ITGA9: variants seen among roughly 807,000 people sequenced by gnomAD.
ITGA9 encodes the protein integrin alpha-9.
A neutral mutation model predicts 127.8 loss-of-function variants in ITGA9; 56 were observed. The ratio of observed to expected loss-of-function variants is 0.44; its 90% CI spans 0.35 to 0.55. ITGA9 has a LOEUF of 0.55. Ranked by LOEUF, ITGA9 falls within the 20% of genes least tolerant of loss-of-function variation. The pLI, the probability that ITGA9 is intolerant of heterozygous loss-of-function variation, is 0.00. For synonymous variants in ITGA9, 508 were observed against 514.5 expected (o/e 0.99, Z 0.17); for missense variants, 1,196 against 1,347.1 (o/e 0.89, Z 1.76).
chr3:37,476,087 C>A (rs1433218946), intron 3 of ITGA9, among the ~76,000 whole-genome samples: 1 of 152,162 alleles, frequency 6.6e-6, no homozygotes, highest in Non-Finnish European at 1.5e-5. Context: ...TTTCTTTATT[C>A]ATCTATTGAC....
At chr3:37,522,890 C>T (rs1268239515) in intron 11 of ITGA9, among the ~76,000 whole-genome samples, 1 of 152,106 alleles carries the variant, frequency 6.6e-6, no homozygotes, top group East Asian at 1.9e-4. Context: ...TGATTTCCTA[C>T]AGTTTAAGAA....
chr3:37,645,353 G>T (rs183773974), intron 16 of ITGA9, among the ~76,000 whole-genome samples: 77 of 152,308 alleles, frequency 5.1e-4, no homozygotes, highest in Non-Finnish European at 1.0e-3. Flanking sequence ...CAGATCACTT[G>T]AGATCAGGAA....
chr3:37,636,540 T>G (rs1320088892), intron 16 of ITGA9, among the ~76,000 whole-genome samples: 2 of 152,214 alleles, frequency 1.3e-5, no homozygotes, highest in Non-Finnish European at 2.9e-5. Flanking sequence ...TAGCCCTTTG[T>G]CAGATGAGTA....
At chr3:37,674,180 A>C (rs1413386104) in intron 17 of ITGA9, among the ~76,000 whole-genome samples, 1 of 152,210 alleles carries the variant, frequency 6.6e-6, no homozygotes, top group East Asian at 1.9e-4. Flanking sequence ...TGTGTCATGA[A>C]GGAGAGGCCC....
intron 23 of ITGA9, among the ~76,000 whole-genome samples, chr3:37,765,126 C>T (rs1435313768): frequency 6.6e-6 from 1 of 152,058 alleles, no homozygotes; most frequent in Non-Finnish European, 1.5e-5. Flanking sequence ...ATGGCTGCTT[C>T]CACTCTGTTA....
At chr3:37,532,280 C>T (rs1377102481) in intron 13 of ITGA9, among the ~76,000 whole-genome samples, 3 of 152,214 alleles carry the variant, frequency 2.0e-5, no homozygotes, top group East Asian at 1.9e-4. Context: ...ATCTGTGCCT[C>T]GTGTCTCTTC....
chr3:37,679,221 A>G (rs7374331), intron 17 of ITGA9, among the ~76,000 whole-genome samples: 87,849 of 150,322 alleles, frequency 0.58, 26,416 homozygotes, highest in African/African-American at 0.73. Context: ...TAAAATAAAA[A>G]GGGAAATTTC....
intron 16 of ITGA9, among the ~76,000 whole-genome samples, chr3:37,641,601 A>G (rs116201403): frequency 0.01 from 1,588 of 152,148 alleles, 28 homozygotes; most frequent in African/African-American, 0.035. Flanking sequence ...CCAGGCCACC[A>G]TCATTTGTCA....
chr3:37,733,007 C>G, intron 19 of ITGA9: 1 of 580,798 alleles, frequency 1.7e-6, no homozygotes, highest in Admixed American at 2.6e-5. Context: ...TGGTCTTTCT[C>G]TTCGATTCAC....
At chr3:37,784,391 T>A (rs1697014086) in intron 25 of ITGA9, among the ~76,000 whole-genome samples, 1 of 152,328 alleles carries the variant, frequency 6.6e-6, no homozygotes, top group Admixed American at 6.5e-5. Flanking sequence ...TGCTCCCTTA[T>A]ACCCCTGCCC....
chr3:37,710,846 G>A (rs1002530519), intron 18 of ITGA9, among the ~76,000 whole-genome samples: 3 of 152,324 alleles, frequency 2.0e-5, no homozygotes, highest in East Asian at 1.9e-4. Flanking sequence ...CTGAGGGAGC[G>A]CTTCTCTTTC....
chr3:37,544,657 C>G (rs963487383), intron 15 of ITGA9, among the ~76,000 whole-genome samples: 1 of 151,344 alleles, frequency 6.6e-6, no homozygotes, highest in Non-Finnish European at 1.5e-5. Context: ...CAGCACAGAC[C>G]TTGACGTGAT....
intron 15 of ITGA9, among the ~76,000 whole-genome samples, chr3:37,605,563 A>C (rs1699960250): frequency 6.6e-6 from 1 of 152,136 alleles, no homozygotes; most frequent in East Asian, 1.9e-4. Context: ...CTGCCTCTCA[A>C]CTGTTCACCC....
chr3:37,558,565 C>T (rs564815824), intron 15 of ITGA9, among the ~76,000 whole-genome samples: 5 of 152,270 alleles, frequency 3.3e-5, no homozygotes, highest in African/African-American at 7.2e-5. Flanking sequence ...CCTGTTGTCC[C>T]AGCATAATCA....
At position 37,565,566 on chromosome 3, in the gene ITGA9, G is replaced by A. The variant is rs1354667617; in HGVS notation, c.1689+22981G>A. On this transcript the variant is annotated intron_variant, in intron 15 of 27. Transcript: ENST00000264741. ...CTTGTTTAAACAGATCATGGGTGGT[G>A]GGTACAGCATTTCAGGTGCGGAAGA... 5.3e-5 allele frequency among the ~76,000 whole-genome samples: 8 copies of A among 152,344 alleles called. No individual in the cohort carries two copies. In the South Asian group the frequency reaches 1.7e-3, roughly 32 times the overall value.
In ITGA9 at chr3:37,726,607, C is replaced by T. The variant is rs147964480; in HGVS notation, c.2068-6105C>T. ...AGCCTGGGTCTACTGGCCAAGCTTCCGGGGCTGGGACAGGCAAGGTATGTC... is the reference window on the plus strand; with the variant it reads ...AGCCTGGGTCTACTGGCCAAGCTTCTGGGGCTGGGACAGGCAAGGTATGTC... On this transcript the variant is annotated intron_variant, in intron 18 of 27. Coordinates refer to ENST00000264741, the MANE Select transcript of ITGA9 (RefSeq NM_002207.3). Among the ~76,000 whole-genome samples the T allele has an allele frequency of 1.1e-3, 167 of 152,318 alleles. 4 individuals carry two copies. The South Asian group carries it at 0.03, about 28-fold the overall frequency.
At chr3:37,545,911 A>C (rs543458683) in intron 15 of ITGA9, among the ~76,000 whole-genome samples, 1 of 151,770 alleles carries the variant, frequency 6.6e-6, no homozygotes, top group Non-Finnish European at 1.5e-5. Flanking sequence ...TGCTCCTTAC[A>C]CTTCTTTGCC....
At position 37,481,547 on chromosome 3, in the gene ITGA9, T is replaced by G. The variant is rs1222402633; in HGVS notation, c.484T>G (p.Cys162Gly). ...EADHILPHGF[C>G]YIIPSNLQAK... ...CGACCACATCCTACCCCATGGCTTC[T>G]GCTACATCATCCCCTCCAACCTCCA... Residue 162 changes from cysteine to glycine, a missense_variant, in exon 4 of 28, where the codon TGC becomes GGC. Cys to Gly is a radical substitution (Grantham distance 159, BLOSUM62 -3). Coordinates refer to ENST00000264741, the MANE Select transcript of ITGA9 (RefSeq NM_002207.3). 3.7e-6 allele frequency: 6 copies of G among 1,614,058 alleles called. No homozygotes were observed. The highest frequency in any genetic ancestry group is 5.1e-6 in the Non-Finnish European group (6 of 1,180,006).
intron 5 of ITGA9, among the ~76,000 whole-genome samples, chr3:37,501,212 G>A (rs145845947): frequency 1.3e-5 from 2 of 152,208 alleles, no homozygotes; most frequent in African/African-American, 4.8e-5. Flanking sequence ...TCCAAAAGTA[G>A]GGATTCCCTG....
Sources: allele counts gnomAD v4.1 joint callset (sites outside exome capture counted in the v4.1 genomes callset), GRCh38; gene constraint gnomAD v4.1.1; transcripts MANE v1.5; gene names NCBI Gene and HGNC (gene_info 2026-07-23, HGNC 2026-07-21).